CNTN5: variants seen among roughly 807,000 people sequenced by gnomAD.
CNTN5 encodes the protein contactin 5.
In CNTN5, 77 loss-of-function variants were observed where a neutral mutation model predicts 129.1. The ratio of observed to expected loss-of-function variants is 0.60; its 90% CI spans 0.50 to 0.72. The LOEUF (loss-of-function observed/expected upper bound fraction) is 0.72. CNTN5 is among the 30% of genes least tolerant of loss of function. The probability of loss-of-function intolerance (pLI) is 0.00; values close to 1 mark genes in which losing one functional copy is unlikely to be tolerated. For missense variants in CNTN5, 1,478 were observed against 1,328.8 expected (o/e 1.11, Z -1.75); for synonymous variants, 509 against 465.6 (o/e 1.09, Z -1.20).
intron 9 of CNTN5, among the ~76,000 whole-genome samples, chr11:100,044,664 T>C (rs11222505): frequency 0.12 from 18,238 of 151,984 alleles, 1,329 homozygotes; most frequent in Middle Eastern, 0.27. Context: ...TCACTCACTT[T>C]TTGTTATTTT....
intron 3 of CNTN5, among the ~76,000 whole-genome samples, chr11:99,718,869 C>T (rs1297103921): frequency 6.6e-6 from 1 of 151,978 alleles, no homozygotes; most frequent in Non-Finnish European, 1.5e-5. Context: ...GTAGTAAGGC[C>T]AGGTTTCAAT....
At chr11:99,036,384 A>G (rs1863734402) in intron 1 of CNTN5, among the ~76,000 whole-genome samples, 1 of 152,044 alleles carries the variant, frequency 6.6e-6, no homozygotes, top group Admixed American at 6.6e-5. Flanking sequence ...TTTATAGATA[A>G]TGTTGTTTCA....
intron 13 of CNTN5, among the ~76,000 whole-genome samples, chr11:100,187,310 T>C (rs1223975655): frequency 6.6e-6 from 1 of 152,050 alleles, no homozygotes; most frequent in Non-Finnish European, 1.5e-5. Context: ...TTTCTAGGTA[T>C]AGAATCAGAT....
At chr11:100,026,265 C>A (rs756397767) in intron 9 of CNTN5, among the ~76,000 whole-genome samples, 39 of 151,534 alleles carry the variant, frequency 2.6e-4, no homozygotes, top group South Asian at 4.2e-4. Context: ...GAAGAAGATG[C>A]CTTGCTTCTT....
At chr11:100,226,222 A>G (rs1300010769) in intron 16 of CNTN5, among the ~76,000 whole-genome samples, 1 of 152,150 alleles carries the variant, frequency 6.6e-6, no homozygotes, top group Non-Finnish European at 1.5e-5. Flanking sequence ...CCCTACACTC[A>G]GTCAAATTCA....
At chr11:99,070,224 G>A (rs1865288464) in intron 1 of CNTN5, among the ~76,000 whole-genome samples, 1 of 152,138 alleles carries the variant, frequency 6.6e-6, no homozygotes, top group Non-Finnish European at 1.5e-5. Flanking sequence ...TTTACTGAGT[G>A]ACGAGAGAAG....
At chr11:99,147,033 C>T (rs1859820234) in intron 1 of CNTN5, among the ~76,000 whole-genome samples, 1 of 151,628 alleles carries the variant, frequency 6.6e-6, no homozygotes, top group Non-Finnish European at 1.5e-5. Context: ...ATATTGAGGA[C>T]AAAATAAAAA....
intron 4 of CNTN5, among the ~76,000 whole-genome samples, chr11:99,828,909 T>C (rs1947052605): frequency 6.6e-6 from 1 of 152,176 alleles, no homozygotes; most frequent in African/African-American, 2.4e-5. Flanking sequence ...ATTCATGGAA[T>C]GTATCTGTAC....
chr11:99,524,779 G>A (rs1947421974), intron 2 of CNTN5, among the ~76,000 whole-genome samples: 1 of 151,574 alleles, frequency 6.6e-6, no homozygotes, highest in Admixed American at 6.6e-5. Context: ...CTCCAGCCTG[G>A]GCGACAGAGC....
intron 3 of CNTN5, among the ~76,000 whole-genome samples, chr11:99,789,575 A>G (rs1335384945): frequency 1.3e-5 from 2 of 151,966 alleles, no homozygotes; most frequent in East Asian, 1.9e-4. Context: ...TGCTTCCATC[A>G]GCTGTATAGG....
intron 3 of CNTN5, among the ~76,000 whole-genome samples, chr11:99,774,257 C>A (rs1406417305): frequency 6.6e-6 from 1 of 150,754 alleles, no homozygotes; most frequent in Non-Finnish European, 1.5e-5. Flanking sequence ...ATCTTCCCAA[C>A]ACTTATCAGA....
rs570149279 is a variant in CNTN5 at position 99,116,984 on chromosome 11, T to C, written c.-210+95714T>C. Among the ~76,000 whole-genome samples the C allele has an allele frequency of 3.9e-5, 6 of 152,246 alleles. No homozygotes were observed. In the East Asian group the frequency reaches 7.7e-4, roughly 20 times the overall value. On this transcript the variant is annotated intron_variant, in intron 1 of 24. Coordinates refer to ENST00000524871, the MANE Select transcript of CNTN5 (RefSeq NM_014361.4). ...TCCTTACATTCATAGAAATGTGATA[T>C]ACTATATGGCAGTCAAGGTGAGGCT...
At chr11:99,851,645 C>A (rs1044801996) in intron 6 of CNTN5, among the ~76,000 whole-genome samples, 4 of 152,178 alleles carry the variant, frequency 2.6e-5, no homozygotes, top group African/African-American at 9.6e-5. Context: ...ATATGCAATT[C>A]TTGGTAAATT....
chr11:100,174,231 C>T (rs1043399732), intron 13 of CNTN5, among the ~76,000 whole-genome samples: 1 of 151,992 alleles, frequency 6.6e-6, no homozygotes, highest in East Asian at 1.9e-4. Context: ...ATACGTAAAA[C>T]GTGGAATAGA....
chr11:99,205,157 C>CAAATT (rs138384956), intron 1 of CNTN5, among the ~76,000 whole-genome samples: 82,102 of 151,494 alleles, frequency 0.54, 22,297 homozygotes, highest in African/African-American at 0.61. Context: ...CTGACAAACT[C>CAAATT]AATAAGCAAA....
chr11:99,079,031 G>A (rs959192607), intron 1 of CNTN5, among the ~76,000 whole-genome samples: 2 of 152,082 alleles, frequency 1.3e-5, no homozygotes, highest in African/African-American at 4.8e-5. Flanking sequence ...CACATTGTAT[G>A]CCTGTATTAA....
At chr11:100,275,630 G>A (rs888788443) in intron 18 of CNTN5, among the ~76,000 whole-genome samples, 28 of 152,266 alleles carry the variant, frequency 1.8e-4, no homozygotes, top group Admixed American at 1.8e-3. Context: ...TTCAGATTGT[G>A]CATTTTAAAA....
rs879353142 is a variant in CNTN5 at position 99,990,064 on chromosome 11, C to T, written c.878-11970C>T. On this transcript the variant is annotated intron_variant, in intron 8 of 24. Transcript: ENST00000524871. Reference sequence around the variant, plus strand: ...ACAGGCGTGAGCCACTGCACCTGGTCTCTAACATATTTCTTAATGCCAGAG... The same window carrying T: ...ACAGGCGTGAGCCACTGCACCTGGTTTCTAACATATTTCTTAATGCCAGAG... Among the ~76,000 whole-genome samples the T allele has an allele frequency of 3.3e-5, 5 of 152,200 alleles. 1 individual carries two copies. Among genetic ancestry groups the T allele is most frequent in the Admixed American group, 1.3e-4 (2 of 15,286 alleles).
intron 3 of CNTN5, among the ~76,000 whole-genome samples, chr11:99,759,689 G>T (rs1944515994): frequency 7.5e-6 from 1 of 133,316 alleles, no homozygotes; most frequent in African/African-American, 2.7e-5. Flanking sequence ...GATAGCATAA[G>T]AAAAAGGGAG....
Sources: allele counts gnomAD v4.1 joint callset (sites outside exome capture counted in the v4.1 genomes callset), GRCh38; gene constraint gnomAD v4.1.1; transcripts MANE v1.5; gene names NCBI Gene and HGNC (gene_info 2026-07-23, HGNC 2026-07-21).